The following NPAS3 variants were observed in gnomAD, a reference collection of about 807,000 sequenced individuals.
NPAS3 encodes the protein neuronal PAS domain protein 3, also known as neuronal PAS domain-containing protein 3.
Under a neutral mutation model 73.1 loss-of-function variants are expected in NPAS3, and 14 were observed. The observed-to-expected ratio is 0.19, with a 90% CI of 0.13 to 0.30. The LOEUF (loss-of-function observed/expected upper bound fraction) is 0.30. Ranked by LOEUF, NPAS3 falls within the 10% of genes least tolerant of loss-of-function variation. The pLI is 1.00. For synonymous variants in NPAS3, 620 were observed against 541.5 expected, an observed-to-expected ratio of 1.14 and a Z score of -2.01; for missense variants, 1,096 against 1,250.0, an observed-to-expected ratio of 0.88 and a Z score of 1.86.
chr14:33,079,819 C>A (rs1235080478), intron 2 of NPAS3, among the ~76,000 whole-genome samples: 1 of 151,510 alleles, frequency 6.6e-6, no homozygotes, highest in Non-Finnish European at 1.5e-5. Context: ...ACCATGTTGG[C>A]CAGGCTGGTC....
rs770954565 is a variant in NPAS3 at position 33,800,261 on chromosome 14, A to C, written c.1954A>C (p.Ile652Leu). ...CTCGGTGCTCAAGATCAAGACGGAG[A>C]TCTCAGAACCCATCAATTTCGACAA... is the stretch of plus-strand genomic sequence containing the variant. Residue 652 changes from isoleucine to leucine, a missense_variant, in exon 12 of 12, where the codon ATC becomes CTC. Coordinates refer to ENST00000356141, the Ensembl canonical transcript of NPAS3. This position sits in a 1 kb window ranked among gnomAD's most constrained non-coding sequence, Gnocchi z 6.5. 2 of 1,613,290 alleles carry C rather than the reference A, an allele frequency of 1.2e-6. No individual in the cohort carries two copies. The highest frequency in any genetic ancestry group is 2.2e-5 in the South Asian group (2 of 91,046).
chr14:33,313,592 A>T (rs1380476261), intron 3 of NPAS3, among the ~76,000 whole-genome samples: 9 of 152,208 alleles, frequency 5.9e-5, no homozygotes, highest in South Asian at 2.1e-4. Flanking sequence ...GTTATAACAA[A>T]AATTCAGTGT....
At chr14:33,300,141 T>G (rs139444028) in intron 3 of NPAS3, among the ~76,000 whole-genome samples, 93 of 152,340 alleles carry the variant, frequency 6.1e-4, no homozygotes, top group Admixed American at 1.7e-3. Context: ...AAACTTGAGC[T>G]TCTTTAAAAA....
chr14:33,289,367 T>G (rs2042004157), intron 3 of NPAS3, among the ~76,000 whole-genome samples: 1 of 152,118 alleles, frequency 6.6e-6, no homozygotes, highest in African/African-American at 2.4e-5. Flanking sequence ...ATATAAAATT[T>G]GTTATCTTCT....
chr14:33,505,789 G>A (rs917417496), intron 4 of NPAS3, among the ~76,000 whole-genome samples: 3 of 151,830 alleles, frequency 2.0e-5, no homozygotes, highest in African/African-American at 4.8e-5. Flanking sequence ...ATGTCCATTG[G>A]CCTTCAAGAT....
At chr14:33,121,311 A>G (rs889557306) in intron 2 of NPAS3, among the ~76,000 whole-genome samples, 1 of 152,150 alleles carries the variant, frequency 6.6e-6, no homozygotes, top group African/African-American at 2.4e-5. Context: ...TTTGAGATAA[A>G]ACATCCATTT....
At chr14:33,675,583 T>C (rs1468513113) in intron 5 of NPAS3, among the ~76,000 whole-genome samples, 1 of 152,236 alleles carries the variant, frequency 6.6e-6, no homozygotes, top group Non-Finnish European at 1.5e-5. Context: ...ATATGGCTGC[T>C]TCAGACCCCA....
At chr14:33,537,287 C>T (rs1270617814) in intron 4 of NPAS3, among the ~76,000 whole-genome samples, 3 of 152,028 alleles carry the variant, frequency 2.0e-5, no homozygotes, top group Non-Finnish European at 4.4e-5. Context: ...TGGCAGCTTC[C>T]CTAATTTAGG....
chr14:33,204,612 T>A (rs1462048902), intron 2 of NPAS3, among the ~76,000 whole-genome samples: 1 of 151,994 alleles, frequency 6.6e-6, no homozygotes, highest in Admixed American at 6.6e-5. Context: ...AAAAAGTCAG[T>A]CACTGAATGG....
chr14:33,686,906 G>A, intron 6 of NPAS3, among the ~76,000 whole-genome samples: 1 of 152,116 alleles, frequency 6.6e-6, no homozygotes, highest in Non-Finnish European at 1.5e-5. Flanking sequence ...CTTGATACTG[G>A]CTCATTTATT....
Position 33,667,344 on chromosome 14 carries a change from T to G in NPAS3, c.559-8867T>G, listed in dbSNP as rs535339626. On this transcript the variant is annotated intron_variant, in intron 5 of 11. Transcript: ENST00000356141. Reference sequence around the variant, plus strand: ...AAATGCCAGATTACATGTGTGTGATTACAGCATTGTTCTGGTGAGACAAGA... The same window carrying G: ...AAATGCCAGATTACATGTGTGTGATGACAGCATTGTTCTGGTGAGACAAGA... Among the ~76,000 whole-genome samples, 42 of 152,296 alleles carry G rather than the reference T, an allele frequency of 2.8e-4. 1 individual carries two copies. The East Asian group carries it at 7.3e-3, about 27-fold the overall frequency.
intron 2 of NPAS3, among the ~76,000 whole-genome samples, chr14:33,113,746 A>G (rs1018292364): frequency 6.6e-6 from 1 of 152,192 alleles, no homozygotes; most frequent in Non-Finnish European, 1.5e-5. Context: ...GTCTTGTGCC[A>G]GCTTTCAAAG....
intron 1 of NPAS3, among the ~76,000 whole-genome samples, chr14:33,041,027 A>C (rs189352783): frequency 1.3e-5 from 2 of 152,236 alleles, no homozygotes; most frequent in African/African-American, 4.8e-5. Flanking sequence ...CAGAACTAAA[A>C]CTAAAACTGA....
chr14:33,612,467 G>T (rs1172324029), intron 5 of NPAS3: 1 of 456,028 alleles, frequency 2.2e-6, no homozygotes, highest in Non-Finnish European at 4.4e-6. Context: ...CTGTGGCAAA[G>T]TTACAAAGCA....
chr14:33,744,984 T>C (rs1211658621), intron 7 of NPAS3, among the ~76,000 whole-genome samples: 1 of 152,096 alleles, frequency 6.6e-6, no homozygotes, highest in Non-Finnish European at 1.5e-5. Context: ...CTCACACCTG[T>C]AATCCCAGCA....
chr14:33,591,696 C>A (rs552874720), intron 5 of NPAS3, among the ~76,000 whole-genome samples: 1 of 152,264 alleles, frequency 6.6e-6, no homozygotes, highest in Non-Finnish European at 1.5e-5. Context: ...TATGTCCCCC[C>A]AAATTTCACC....
rs147286607 is a variant in NPAS3 at position 33,198,184 on chromosome 14, G to C, written c.141-16998G>C. Among the ~76,000 whole-genome samples the C allele has an allele frequency of 2.5e-3, 387 of 152,320 alleles. 1 individual carries two copies. Among genetic ancestry groups the C allele is most frequent in the Non-Finnish European group, 3.9e-3 (265 of 68,032 alleles). The stretch of plus-strand genomic sequence containing the variant: ...CTCATAAAGTCAGTGCGGACCCAAA[G>C]AGTGAGCAACAGCAAGAGTTATTGC... On this transcript the variant is annotated intron_variant, in intron 2 of 11. Transcript: ENST00000356141.
At chr14:33,466,878 G>A (rs1325642824) in intron 4 of NPAS3, among the ~76,000 whole-genome samples, 3 of 152,052 alleles carry the variant, frequency 2.0e-5, no homozygotes, top group East Asian at 3.9e-4. Flanking sequence ...CCCCACCTCC[G>A]ACACTGGGGA....
intron 3 of NPAS3, among the ~76,000 whole-genome samples, chr14:33,351,597 G>A (rs569912077): frequency 6.6e-5 from 10 of 152,312 alleles, no homozygotes; most frequent in African/African-American, 1.9e-4. Context: ...GTATGTACAC[G>A]TAAGTGTAAG....
Sources: gnomAD v4.1 joint callset for allele counts (sites outside exome capture counted in the v4.1 genomes callset) on GRCh38, gnomAD v4.1.1 for gene constraint, Gnocchi (gnomAD v3.1) non-coding constraint, MANE v1.5 for transcripts, NCBI Gene and HGNC (gene_info 2026-07-23, HGNC 2026-07-21) for gene names.